Variants in MRNIP observed in about 807,000 individuals in gnomAD.
MRNIP encodes MRN complex-interacting protein.
Under a neutral mutation model 29.8 loss-of-function variants are expected in MRNIP, and 30 were observed. That is an observed-to-expected ratio of 1.01 (90% confidence interval 0.75 to 1.36). The LOEUF (loss-of-function observed/expected upper bound fraction) is 1.36, where lower values mean the gene tolerates loss of function less well. Among genes scored for constraint, MRNIP ranks in the 40% most tolerant of loss-of-function variants. The pLI, the probability that MRNIP is intolerant of heterozygous loss-of-function variation, is 0.00. For synonymous variants in MRNIP, 201 were observed against 164.1 expected, an observed-to-expected ratio of 1.23 and a Z score of -1.72; for missense variants, 459 against 423.5, an observed-to-expected ratio of 1.08 and a Z score of -0.74.
At chr5:179,842,473 G>T (rs1758920603) in intron 4 of MRNIP, among the ~76,000 whole-genome samples, 1 of 149,980 alleles carries the variant, frequency 6.7e-6, no homozygotes, top group South Asian at 2.1e-4. Flanking sequence ...AAGGTCAGGA[G>T]ATCGAGACCA....
intron 2 of MRNIP, among the ~76,000 whole-genome samples, chr5:179,849,467 T>C (rs957602586): frequency 2.1e-5 from 3 of 139,828 alleles, no homozygotes; most frequent in Non-Finnish European, 3.1e-5. Context: ...TTTGAGAGCA[T>C]GGATCCTGCA....
intron 3 of MRNIP, among the ~76,000 whole-genome samples, chr5:179,845,445 G>A (rs771735340): frequency 8.6e-5 from 13 of 151,556 alleles, no homozygotes; most frequent in Admixed American, 3.9e-4. Context: ...CACTGCACCC[G>A]GCCTGAAATG....
At position 179,837,468 on chromosome 5, in the gene MRNIP, G is replaced by A; in HGVS notation, c.955C>T (p.Leu319=). Residue 319 remains leucine (L), a synonymous_variant, in exon 7 of 7, where the codon CTG becomes TTG. Coordinates refer to ENST00000292586, the MANE Select transcript of MRNIP (RefSeq NM_016175.4). ...TPWAEGGPLV[L]EAQNPRPTRL... ...GTGGGTCGAGGATTCTGTGCCTCCA[G>A]GACCAGGGGCCCACCCTCTGCCCAG... is the stretch of plus-strand genomic sequence containing the variant. 1 of 1,613,462 alleles carries A rather than the reference G, an allele frequency of 6.2e-7. No individual in the cohort carries two copies.
Position 179,843,041 on chromosome 5 carries a change from A to AGAAGGAAGGAAGGAAGGAAG in MRNIP, c.292-997_292-978dup, listed in dbSNP as rs575675053. ...AGCGAGACTCTGTCGAAAGGAGGAA[A>AGAAGGAAGGAAGGAAGGAAG]GAAGGAAGGAAGGAAGGAAGGGAGG... On this transcript the variant is annotated intron_variant, in intron 4 of 6. Coordinates refer to ENST00000292586, the MANE Select transcript of MRNIP (RefSeq NM_016175.4). Among the ~76,000 whole-genome samples the AGAAGGAAGGAAGGAAGGAAG allele has an allele frequency of 4.2e-3, 444 of 106,268 alleles. 4 individuals are homozygous for AGAAGGAAGGAAGGAAGGAAG. The highest frequency in any genetic ancestry group is 5.5e-3 in the Non-Finnish European group (314 of 56,904). The allele number at this position is 106,268 out of a possible 152,430, so 69.7% of individuals were successfully genotyped here.
chr5:179,842,774 T>G (rs2113544944), intron 4 of MRNIP, among the ~76,000 whole-genome samples: 1 of 142,328 alleles, frequency 7.0e-6, no homozygotes, highest in African/African-American at 2.7e-5. Context: ...GGCTCACACC[T>G]GTAACCCTAG....
Position 179,858,806 on chromosome 5 carries a change from T to C in MRNIP, c.-10A>G, listed in dbSNP as rs781316815. ...GCTGAAGCGACGCCATCCCTGCTTGTGCAGTCGCCAGGCAGCCAAGCGCGT... is the reference window on the plus strand; with the variant it reads ...GCTGAAGCGACGCCATCCCTGCTTGCGCAGTCGCCAGGCAGCCAAGCGCGT... On this transcript the variant is annotated 5_prime_UTR_variant, in exon 1 of 7. Transcript: ENST00000292586. The C allele has an allele frequency of 5.8e-6, 9 of 1,539,068 alleles. No individual in the cohort carries two copies. The highest frequency in any genetic ancestry group is 7.0e-6 in the Non-Finnish European group (8 of 1,143,770).
chr5:179,845,370 A>G (rs1304071931), intron 3 of MRNIP, among the ~76,000 whole-genome samples: 1 of 152,122 alleles, frequency 6.6e-6, no homozygotes, highest in East Asian at 1.9e-4. Context: ...GCTGGTCATG[A>G]ACTCCTGACC....
chr5:179,853,382 A>C lies in MRNIP; in HGVS notation c.122T>G (p.Leu41Trp). The change falls in exon 2 of 7, where the codon TTG (leucine) becomes TGG (tryptophan). Residue 41 changes from leucine to tryptophan, a missense_variant. Leu to Trp is a moderately conservative substitution (Grantham distance 61). Transcript: ENST00000292586. ...CKACGEKQSF[L>W]QAYGEGSGAD... ...TTTCTGTTTTGTAGGACTCACCTGC[A>C]AAAAGGACTGCTTCTCTCCACAAGC... 2 of 1,612,990 alleles carry C rather than the reference A, an allele frequency of 1.2e-6. No individual in the cohort carries two copies. The highest frequency in any genetic ancestry group is 1.7e-6 in the Non-Finnish European group (2 of 1,179,582).
intron 2 of MRNIP, among the ~76,000 whole-genome samples, chr5:179,851,922 G>C (rs1332928111): frequency 6.7e-6 from 1 of 149,786 alleles, no homozygotes; most frequent in African/African-American, 2.5e-5. Context: ...AGCTTGCAGT[G>C]AGCGAGATCG....
At chr5:179,857,422 C>G (rs1759637367) in intron 1 of MRNIP, among the ~76,000 whole-genome samples, 1 of 151,846 alleles carries the variant, frequency 6.6e-6, no homozygotes, top group African/African-American at 2.4e-5. Context: ...GATCACGCTA[C>G]TGCACTCCAG....
chr5:179,858,303 G>A lies in MRNIP; in HGVS notation c.66+428C>T, dbSNP rs556866466. On this transcript the variant is annotated intron_variant, in intron 1 of 6. Coordinates refer to ENST00000292586, the MANE Select transcript of MRNIP (RefSeq NM_016175.4). ...ACAGCCATATCAAGTCCCTGGCCCC[G>A]CGGAAACGGACGGCGGCAGAGGCGC... Among the ~76,000 whole-genome samples, 4 of 152,318 alleles carry A rather than the reference G, an allele frequency of 2.6e-5. No homozygotes were observed. The South Asian group carries it at 8.3e-4, about 32-fold the overall frequency.
chr5:179,852,285 C>CAA (rs76075703), intron 2 of MRNIP, among the ~76,000 whole-genome samples: 6 of 103,670 alleles, frequency 5.8e-5, no homozygotes, highest in South Asian at 3.3e-4. Context: ...GACTCCATGT[C>CAA]AAAAAAAAAA....
chr5:179,841,299 G>A (rs1758872488), intron 5 of MRNIP: 1 of 291,478 alleles, frequency 3.4e-6, no homozygotes, highest in East Asian at 8.2e-5. Flanking sequence ...CATGCCCCAT[G>A]AATTTGTTTT....
rs1410988342 is a variant in MRNIP, at chr5:179,844,443, C to A, written c.216-216G>T. On this transcript the variant is annotated intron_variant, in intron 3 of 6. Coordinates refer to ENST00000292586, the MANE Select transcript of MRNIP (RefSeq NM_016175.4). Reference sequence around the variant, plus strand: ...AATGTTTGAACCCGGAAGGCAGAGGCTGCAGTGAGCCAAGATTGCTGGAAG... The same window carrying A: ...AATGTTTGAACCCGGAAGGCAGAGGATGCAGTGAGCCAAGATTGCTGGAAG... The A allele has an allele frequency of 3.4e-5, 16 of 474,872 alleles. No homozygotes were observed. In the Admixed American group the frequency reaches 6.1e-4, roughly 18 times the overall value. 29.4% of individuals were successfully genotyped at this position (474,872 alleles called of 1,614,324 possible).
At chr5:179,840,472 A>G in intron 6 of MRNIP, 1 of 333,778 alleles carries the variant, frequency 3.0e-6, no homozygotes, top group Non-Finnish European at 5.5e-6. Flanking sequence ...AAGAGTCCAC[A>G]GCAGGGCAAA....
In MRNIP at chr5:179,858,773, C is replaced by G. The variant is rs1301705147; in HGVS notation, c.24G>C (p.Arg8=). The change falls in exon 1 of 7, where the codon CGG becomes CGC. Residue 8 remains arginine (R), a synonymous_variant. Transcript: ENST00000292586. The part of the protein sequence containing the change: MASLQRS[R]VLRCCSCRLF... ...GGCGGCAGCTGCAGCAGCGTAGCAC[C>G]CGAGAACGCTGAAGCGACGCCATCC... The G allele has an allele frequency of 6.5e-7, 1 of 1,541,158 alleles. No individual in the cohort carries two copies. Among genetic ancestry groups the G allele is most frequent in the South Asian group, 1.2e-5 (1 of 83,042 alleles).
chr5:179,844,398 C>A, intron 3 of MRNIP, 171 bp from the exon 4 acceptor site: 1 of 540,836 alleles, frequency 1.8e-6, no homozygotes, highest in Non-Finnish European at 3.3e-6. Flanking sequence ...TTCCCAGCTA[C>A]TCAGGAGGCT....
intron 1 of MRNIP, among the ~76,000 whole-genome samples, chr5:179,855,435 CTGACA>C (rs1168272604): frequency 6.6e-6 from 1 of 152,162 alleles, no homozygotes; most frequent in African/African-American, 2.4e-5. Flanking sequence ...CGGCTGCTAC[CTGACA>C]TAATTTTTTA....
At chr5:179,842,583 C>T (rs1332920386) in intron 4 of MRNIP, among the ~76,000 whole-genome samples, 1 of 150,494 alleles carries the variant, frequency 6.6e-6, no homozygotes, top group Admixed American at 6.6e-5. Context: ...ACCTGTAGTC[C>T]CAGCTACTCA....
Sources: allele counts gnomAD v4.1 joint callset (sites outside exome capture counted in the v4.1 genomes callset), GRCh38; gene constraint gnomAD v4.1.1; transcripts MANE v1.5; gene names NCBI Gene and HGNC (gene_info 2026-07-23, HGNC 2026-07-21).